Variants in ADAMTS3 observed in about 807,000 individuals in gnomAD.
ADAMTS3 encodes ADAM metallopeptidase with thrombospondin type 1 motif 3.
In ADAMTS3, 73 loss-of-function variants were observed where a neutral mutation model predicts 129.0. The observed-to-expected ratio is 0.57, with a 90% confidence interval of 0.47 to 0.69. ADAMTS3 has a LOEUF of 0.69. Ranked by LOEUF, ADAMTS3 falls within the 30% of genes least tolerant of loss-of-function variation. The pLI, the probability that ADAMTS3 is intolerant of heterozygous loss-of-function variation, is 0.00. For missense variants in ADAMTS3, 1,457 were observed against 1,514.5 expected (o/e 0.96, Z 0.63); for synonymous variants, 477 against 510.8 (o/e 0.93, Z 0.89).
At chr4:72,460,436 A>G (rs1718735807) in intron 3 of ADAMTS3, among the ~76,000 whole-genome samples, 1 of 151,554 alleles carries the variant, frequency 6.6e-6, no homozygotes, top group South Asian at 2.1e-4. Flanking sequence ...TGAAAGTTGT[A>G]GACACCCCAC....
At chr4:72,399,158 A>T (rs1349385752) in intron 4 of ADAMTS3, among the ~76,000 whole-genome samples, 2 of 152,170 alleles carry the variant, frequency 1.3e-5, no homozygotes, top group Non-Finnish European at 2.9e-5. Flanking sequence ...TTTTCTGGCC[A>T]TGCGTGAGCC....
Position 72,319,342 on chromosome 4 carries a change from T to C in ADAMTS3, c.1342A>G (p.Arg448Gly), listed in dbSNP as rs747225616. The change falls in exon 9 of 22, where the codon AGA (arginine) becomes GGA (glycine). Residue 448 changes from arginine to glycine, a missense_variant. By Grantham distance (125) the Arg-to-Gly change is moderately radical. Coordinates refer to ENST00000286657, the MANE Select transcript of ADAMTS3 (RefSeq NM_014243.3). The stretch of plus-strand genomic sequence containing the variant: ...CAGCAGGGGACATACTGGATATATC[T>C]TTTCAGTTCTTGACCACTGCATCGG... ...WSRCSGQELK[R>G]YIHSYDCLLD... 1 of 1,613,902 alleles carries C rather than the reference T, an allele frequency of 6.2e-7. No homozygotes were observed. Among genetic ancestry groups the C allele is most frequent in the South Asian group, 1.1e-5 (1 of 91,066 alleles).
At chr4:72,530,796 TTATATATATTATATATTATATATTA>T (rs1560554655) in intron 3 of ADAMTS3, among the ~76,000 whole-genome samples, 11 of 92,980 alleles carry the variant, frequency 1.2e-4, no homozygotes, top group Non-Finnish European at 2.0e-4. Context: ...ACATTATATA[TTATATATATTATATATTATATATTA>T]TATAGATTAT....
intron 3 of ADAMTS3, among the ~76,000 whole-genome samples, chr4:72,451,091 A>C (rs1718392072): frequency 6.6e-6 from 1 of 151,772 alleles, no homozygotes; most frequent in South Asian, 2.1e-4. Flanking sequence ...AACAGACTGC[A>C]GACAAGTAAA....
Position 72,548,729 on chromosome 4 carries a change from T to C in ADAMTS3, c.253A>G (p.Thr85Ala), listed in dbSNP as rs1721533431. 2 of 1,613,974 alleles carry C rather than the reference T, an allele frequency of 1.2e-6. No homozygotes were observed. Among genetic ancestry groups the C allele is most frequent in the Admixed American group, 1.7e-5 (1 of 59,974 alleles). The stretch of plus-strand genomic sequence containing the variant: ...AGATGAAAATCTTTTCCAAATGCCG[T>C]GATGTTAAAGAACAACTGCTCAGGG... ...SNPEQLFFNI[T>A]AFGKDFHLRL... The change falls in exon 3 of 22, where the codon ACG becomes GCG. Residue 85 changes from threonine (T) to alanine (A), a missense_variant. Thr to Ala is a moderately conservative substitution (Grantham distance 58, BLOSUM62 0). Transcript: ENST00000286657.
intron 3 of ADAMTS3, among the ~76,000 whole-genome samples, chr4:72,465,991 C>T (rs1353514111): frequency 6.6e-6 from 1 of 152,064 alleles, no homozygotes; most frequent in African/African-American, 2.4e-5. Flanking sequence ...GTCAATTAAA[C>T]TTCTTTCCTT....
intron 3 of ADAMTS3, among the ~76,000 whole-genome samples, chr4:72,430,827 T>TAAA (rs5859322): frequency 4.2e-5 from 6 of 143,214 alleles, no homozygotes; most frequent in Admixed American, 7.0e-5. Flanking sequence ...CCAAAATCAT[T>TAAA]AAAAAAAAAA....
intron 4 of ADAMTS3, among the ~76,000 whole-genome samples, chr4:72,396,408 A>G (rs925835816): frequency 6.6e-6 from 1 of 152,210 alleles, no homozygotes; most frequent in South Asian, 2.1e-4. Context: ...ATGAAAATCA[A>G]CATAACTTGA....
chr4:72,426,094 G>A lies in ADAMTS3; in HGVS notation c.505-11123C>T, dbSNP rs187205899. Among the ~76,000 whole-genome samples the A allele has an allele frequency of 3.9e-5, 6 of 152,280 alleles. No individual in the cohort carries two copies. In the East Asian group the frequency reaches 9.7e-4, roughly 25 times the overall value. ...TTTCTCTGATGGCCAGTGATGATGA[G>A]CATTTATTCATGTCTCTGTTGGCTG... On this transcript the variant is annotated intron_variant, in intron 3 of 21. Transcript: ENST00000286657.
intron 3 of ADAMTS3, among the ~76,000 whole-genome samples, chr4:72,489,945 GT>G (rs948663418): frequency 2.6e-5 from 4 of 151,884 alleles, no homozygotes; most frequent in African/African-American, 9.6e-5. Flanking sequence ...CCTCCATACT[GT>G]TTTTCATAAG....
chr4:72,489,894 C>T (rs983596073), intron 3 of ADAMTS3, among the ~76,000 whole-genome samples: 12 of 151,864 alleles, frequency 7.9e-5, no homozygotes, highest in Non-Finnish European at 1.5e-5. Context: ...AAAAGTAGAT[C>T]GCTGGAATAT....
At chr4:72,430,789 G>C (rs141373179) in intron 3 of ADAMTS3, among the ~76,000 whole-genome samples, 1 of 150,580 alleles carries the variant, frequency 6.6e-6, no homozygotes, top group African/African-American at 2.4e-5. Flanking sequence ...GTTAAGAAAG[G>C]GAAAGTCTGG....
intron 3 of ADAMTS3, among the ~76,000 whole-genome samples, chr4:72,526,727 T>C (rs1043963151): frequency 1.8e-5 from 1 of 55,922 alleles, no homozygotes; most frequent in African/African-American, 7.8e-5. Flanking sequence ...AAAAAATATA[T>C]ACATACATAT....
intron 3 of ADAMTS3, among the ~76,000 whole-genome samples, chr4:72,493,414 T>A (rs1719796358): frequency 6.6e-6 from 1 of 152,000 alleles, no homozygotes; most frequent in East Asian, 1.9e-4. Context: ...GGTTAGCTCA[T>A]GGCTTGCATA....
rs532612260 is a variant in ADAMTS3 at position 72,414,339 on chromosome 4, C to T, written c.661+476G>A. ...ACAGAAGAATTTCATTCATTGTCTC[C>T]TCCATCTAGTAAAAGTTTTGCCAAA... On this transcript the variant is annotated intron_variant, in intron 4 of 21. Coordinates refer to ENST00000286657, the MANE Select transcript of ADAMTS3 (RefSeq NM_014243.3). 4.0e-5 allele frequency among the ~76,000 whole-genome samples: 6 copies of T among 151,540 alleles called. No homozygotes were observed. The South Asian group carries it at 1.3e-3, about 32-fold the overall frequency.
chr4:72,548,772 C>G lies in ADAMTS3; in HGVS notation c.210G>C (p.Ala70=), dbSNP rs778969017. Residue 70 remains alanine, a synonymous_variant, in exon 3 of 22, where the codon GCG becomes GCC. Coordinates refer to ENST00000286657, the MANE Select transcript of ADAMTS3 (RefSeq NM_014243.3). ...TLSASHKKRS[A]RDVSSNPEQL... is the part of the protein sequence containing the mutation. ...GCTCAGGGTTGGAAGACACGTCCCTCGCTGACCTCTTTTTGTGACTCGCAG... is the reference window on the plus strand; with the variant it reads ...GCTCAGGGTTGGAAGACACGTCCCTGGCTGACCTCTTTTTGTGACTCGCAG... 6.2e-7 allele frequency: 1 copy of G among 1,613,918 alleles called. No homozygotes were observed. Among genetic ancestry groups the G allele is most frequent in the East Asian group, 2.2e-5 (1 of 44,872 alleles).
chr4:72,337,470 CA>C (rs35750155), intron 5 of ADAMTS3, among the ~76,000 whole-genome samples: 27,143 of 151,802 alleles, frequency 0.18, 3,143 homozygotes, highest in East Asian at 0.43. Flanking sequence ...ACAAGGCAAA[CA>C]AAAAAACAAC....
intron 3 of ADAMTS3, among the ~76,000 whole-genome samples, chr4:72,498,679 GT>G (rs1719933076): frequency 6.6e-6 from 1 of 151,046 alleles, no homozygotes. Context: ...GCACACACAC[GT>G]TTATTAATAT....
At chr4:72,313,387 G>A (rs541173972) in intron 12 of ADAMTS3, among the ~76,000 whole-genome samples, 61 of 152,190 alleles carry the variant, frequency 4.0e-4, no homozygotes, top group Admixed American at 1.0e-3. Flanking sequence ...CCATGCCCAC[G>A]CCCTTAGGGC....
Sources: gnomAD v4.1 joint callset for allele counts (sites outside exome capture counted in the v4.1 genomes callset) on GRCh38, gnomAD v4.1.1 for gene constraint, MANE v1.5 for transcripts, NCBI Gene and HGNC (gene_info 2026-07-23, HGNC 2026-07-21) for gene names.